Variants in SH3KBP1 observed in about 807,000 individuals in gnomAD.
SH3KBP1 encodes SH3 domain-containing kinase-binding protein 1.
In SH3KBP1, 8 loss-of-function variants were observed where a neutral mutation model predicts 50.1. The ratio of observed to expected loss-of-function variants is 0.16; its 90% CI spans 0.09 to 0.29. SH3KBP1 has a LOEUF of 0.29. Ranked by LOEUF, SH3KBP1 falls within the 10% of genes least tolerant of loss-of-function variation. The pLI, the probability that SH3KBP1 is intolerant of heterozygous loss-of-function variation, is 1.00. For missense variants in SH3KBP1, 377 were observed against 535.2 expected, an observed-to-expected ratio of 0.70 and a Z score of 2.92; for synonymous variants, 227 against 218.6, an observed-to-expected ratio of 1.04 and a Z score of -0.34.
At chrX:19,596,338 A>T (rs772349537) in intron 9 of SH3KBP1, among the ~76,000 whole-genome samples, 1 of 112,251 alleles carries the variant, frequency 8.9e-6, no homozygotes, top group South Asian at 3.7e-4. Flanking sequence ...TGTCTAAAAA[A>T]GCAATGTACG....
chrX:19,851,210 C>T (rs1375712793), intron 1 of SH3KBP1, among the ~76,000 whole-genome samples: 1 of 112,429 alleles, frequency 8.9e-6, no homozygotes, highest in East Asian at 2.8e-4. Flanking sequence ...CCTTTCAGTG[C>T]TATGAGCCTC....
chrX:19,640,372 C>T (rs1391794626), intron 7 of SH3KBP1, among the ~76,000 whole-genome samples: 1 of 111,429 alleles, frequency 9.0e-6, no homozygotes, highest in African/African-American at 3.3e-5. Context: ...GTCCACCTCA[C>T]AGTCAAGACC....
chrX:19,745,011 T>A (rs907819935), intron 3 of SH3KBP1, among the ~76,000 whole-genome samples: 1 of 112,046 alleles, frequency 8.9e-6, no homozygotes, highest in Non-Finnish European at 1.9e-5. Context: ...AAGAGGCAGG[T>A]GGAGGAATGG....
chrX:19,714,107 G>A (rs1263545752), intron 3 of SH3KBP1, among the ~76,000 whole-genome samples: 1 of 111,883 alleles, frequency 8.9e-6, no homozygotes, highest in Non-Finnish European at 1.9e-5. Context: ...AACATCGCAC[G>A]TTCTCACTTT....
At chrX:19,719,217 C>A (rs1013186736) in intron 3 of SH3KBP1, among the ~76,000 whole-genome samples, 2 of 111,163 alleles carry the variant, frequency 1.8e-5, no homozygotes, top group African/African-American at 6.6e-5. Context: ...CTGTATCAAC[C>A]AATTCGACTC....
rs750338693 is a variant in SH3KBP1, at chrX:19,569,175, T to C, written c.1312A>G (p.Lys438Glu). The C allele has an allele frequency of 8.3e-7, 1 of 1,208,179 alleles. No homozygotes were observed. Among genetic ancestry groups the C allele is most frequent in the Non-Finnish European group, 1.1e-6 (1 of 891,899 alleles). The change falls in exon 13 of 18, where the codon AAG (lysine) becomes GAG (glutamate). Residue 438 changes from lysine to glutamate, a missense_variant. This residue lies in a region of SH3KBP1 where 257 missense variants were observed against 374.2 expected (regional missense o/e 0.69). Transcript: ENST00000397821. Reference protein sequence around the residue: ...PLTHTRGDSPKIDLAGSSLSG... With the variant: ...PLTHTRGDSPEIDLAGSSLSG... The stretch of plus-strand genomic sequence containing the variant: ...AGCGAACTGCCGGCCAAGTCAATCT[T>C]TGGACTGTCACCCCTACATTAAAAA...
intron 1 of SH3KBP1, among the ~76,000 whole-genome samples, chrX:19,870,687 TGA>T (rs2069018400): frequency 3.6e-5 from 4 of 111,669 alleles, no homozygotes; most frequent in Admixed American, 1.9e-4. Flanking sequence ...GTCATAGACA[TGA>T]CATCAACTAT....
At position 19,545,985 on chromosome X, in the gene SH3KBP1, A is replaced by C; in HGVS notation, c.1560T>G (p.Ile520Met). ...PSPEEDKEEHISLAHRGVDAS... is the reference protein window; with the variant it reads ...PSPEEDKEEHMSLAHRGVDAS... ...CGTCCACTCCTCTGTGCGCAAGTGAAATGTGTTCCTCCTTATCCTCTTCGG... is the reference window on the plus strand; with the variant it reads ...CGTCCACTCCTCTGTGCGCAAGTGACATGTGTTCCTCCTTATCCTCTTCGG... The change falls in exon 15 of 18, where the codon ATT becomes ATG. Residue 520 changes from isoleucine (I) to methionine (M), a missense_variant. Ile to Met is a conservative substitution (Grantham distance 10). Coordinates refer to ENST00000397821, the MANE Select transcript of SH3KBP1 (RefSeq NM_031892.3). 1 of 1,210,872 alleles carries C rather than the reference A, an allele frequency of 8.3e-7. No homozygotes were observed. Among genetic ancestry groups the C allele is most frequent in the Non-Finnish European group, 1.1e-6 (1 of 894,615 alleles).
In SH3KBP1 at chrX:19,672,549, C is replaced by T. The variant is rs149050407; in HGVS notation, c.726+11274G>A. Among the ~76,000 whole-genome samples, 848 of 112,355 alleles carry T rather than the reference C, an allele frequency of 7.5e-3. 10 individuals carry two copies. The highest frequency in any genetic ancestry group is 0.026 in the African/African-American group (815 of 30,923). On this transcript the variant is annotated intron_variant, in intron 6 of 17. Transcript: ENST00000397821. ...CCCAAAAACCCACGACTCCAATCTA[C>T]TCATGAGAATAACTTCAGACAAATG...
rs1569373326 is a variant in SH3KBP1, at chrX:19,643,313, TTTTTTTTTA to T, written c.802+2078_802+2086del. Among the ~76,000 whole-genome samples the T allele has an allele frequency of 1.2e-4, 10 of 86,428 alleles. 1 individual carries two copies. The highest frequency in any genetic ancestry group is 5.2e-4 in the African/African-American group (8 of 15,375). 75.1% of individuals were successfully genotyped at this position (86,428 alleles called of 115,157 possible). A position where few individuals can be genotyped will look rare whatever the true frequency, so the allele number is the denominator to read the frequency against. ...TGAAACTGAAGAATTTTTTATTTTT[TTTTTTTTTA>T]TTTTTTTTTTTTTTTGAGACAGGGT... is the stretch of plus-strand genomic sequence containing the variant. On this transcript the variant is annotated intron_variant, in intron 7 of 17. Transcript: ENST00000397821.
Position 19,534,208 on chromosome X carries a change from G to A in SH3KBP1, c.*2209C>T, listed in dbSNP as rs189460900. On this transcript the variant is annotated 3_prime_UTR_variant, in exon 18 of 18. Transcript: ENST00000397821. ...TAAAGATGGTGGCAGTTTGGGTAGC[G>A]GCTCGTCCAGTTCCTTGATGCAGAA... 9.2e-6 allele frequency: 1 copy of A among 109,223 alleles called. No individual in the cohort carries two copies. Among genetic ancestry groups the A allele is most frequent in the East Asian group, 2.9e-4 (1 of 3,467 alleles). 9.0% of individuals were successfully genotyped at this position (109,223 alleles called of 1,213,427 possible).
chrX:19,758,866 A>T (rs976595633), intron 2 of SH3KBP1, among the ~76,000 whole-genome samples: 1 of 111,074 alleles, frequency 9.0e-6, no homozygotes, highest in African/African-American at 3.3e-5. Context: ...TCAGTCTTTC[A>T]CTCCCAGGCA....
intron 14 of SH3KBP1, among the ~76,000 whole-genome samples, chrX:19,549,198 C>T (rs1032997491): frequency 8.9e-6 from 1 of 112,108 alleles, no homozygotes; most frequent in Non-Finnish European, 1.9e-5. Flanking sequence ...AGTTTCACAA[C>T]GATGCGTACT....
At chrX:19,680,153 T>C (rs1178352955) in intron 6 of SH3KBP1, among the ~76,000 whole-genome samples, 3 of 110,719 alleles carry the variant, frequency 2.7e-5, no homozygotes, top group Non-Finnish European at 5.7e-5. Context: ...GGTGGGCGGA[T>C]CACTTGAGGT....
At chrX:19,557,887 A>G (rs757548472) in intron 13 of SH3KBP1, among the ~76,000 whole-genome samples, 30 of 111,970 alleles carry the variant, frequency 2.7e-4, no homozygotes, top group Admixed American at 2.7e-3. Flanking sequence ...ACTATGAAAG[A>G]ATGATAAAAG....
chrX:19,620,296 A>T (rs1023157972), intron 8 of SH3KBP1, among the ~76,000 whole-genome samples: 1 of 112,197 alleles, frequency 8.9e-6, no homozygotes, highest in African/African-American at 3.2e-5. Context: ...AAGGAACAGG[A>T]GGTGAAGGGC....
chrX:19,782,769 C>T (rs750029758), intron 2 of SH3KBP1, among the ~76,000 whole-genome samples: 1 of 111,572 alleles, frequency 9.0e-6, no homozygotes, highest in African/African-American at 3.3e-5. Context: ...ATACAACCTG[C>T]GGCTCACTAG....
At chrX:19,692,624 CGTGTGTGTGTGTGTGTGTGT>C (rs534431997) in intron 5 of SH3KBP1, among the ~76,000 whole-genome samples, 12 of 68,710 alleles carry the variant, frequency 1.7e-4, no homozygotes, top group Non-Finnish European at 2.1e-4. Context: ...TATATACATA[CGTGTGTGTGTGTGTGTGTGT>C]GTGTGTGTGT....
At chrX:19,624,774 A>G (rs1424400428) in intron 8 of SH3KBP1, among the ~76,000 whole-genome samples, 1 of 112,350 alleles carries the variant, frequency 8.9e-6, no homozygotes, top group Non-Finnish European at 1.9e-5. Context: ...ATAAGGACAT[A>G]AGCAGTCTAA....
Sources: allele counts gnomAD v4.1 joint callset (sites outside exome capture counted in the v4.1 genomes callset), GRCh38; gene constraint gnomAD v4.1.1; regional missense constraint gnomAD v4.1.1; transcripts MANE v1.5; gene names NCBI Gene and HGNC (gene_info 2026-07-23, HGNC 2026-07-21).